Variants in PER2 observed in about 807,000 individuals in gnomAD.
PER2 encodes period circadian protein homolog 2.
A neutral mutation model predicts 121.0 loss-of-function variants in PER2; 66 were observed. That is an observed-to-expected ratio of 0.55 (90% confidence interval 0.45 to 0.67). PER2 has a LOEUF of 0.67. PER2 is among the 30% of genes least tolerant of loss of function. The pLI is 0.00. For synonymous variants in PER2, 684 were observed against 659.9 expected (o/e 1.04, Z -0.56); for missense variants, 1,521 against 1,635.0 (o/e 0.93, Z 1.20).
In PER2 at chr2:238,284,151, A is replaced by G. The variant is rs181551110; in HGVS notation, c.-20+4198T>C. Among the ~76,000 whole-genome samples, 361 of 152,328 alleles carry G rather than the reference A, an allele frequency of 2.4e-3. 1 individual carries two copies. Among genetic ancestry groups the G allele is most frequent in the Non-Finnish European group, 4.1e-3 (278 of 68,034 alleles). Reference sequence around the variant, plus strand: ...CTTATCACTGCTAATCACTACAGAAAAACAGACGGCGGCTGGGCGCGGTGG... The same window carrying G: ...CTTATCACTGCTAATCACTACAGAAGAACAGACGGCGGCTGGGCGCGGTGG... On this transcript the variant is annotated intron_variant, in intron 1 of 22. Coordinates refer to ENST00000254657, the MANE Select transcript of PER2 (RefSeq NM_022817.3).
At chr2:238,254,248 G>C (rs1695694542) in intron 18 of PER2, 1 of 170,804 alleles carries the variant, frequency 5.9e-6, no homozygotes, top group Admixed American at 5.7e-5. Context: ...GCAATAACGA[G>C]TGCTGCTGAG....
chr2:238,253,550 C>T lies in PER2; in HGVS notation c.2473G>A (p.Gly825Ser), dbSNP rs1695674664. 1 of 1,610,990 alleles carries T rather than the reference C, an allele frequency of 6.2e-7. No individual in the cohort carries two copies. The highest frequency in any genetic ancestry group is 1.1e-5 in the South Asian group (1 of 90,802). Residue 825 changes from glycine (G) to serine (S), a missense_variant, in exon 19 of 23, where the codon GGC becomes AGC. By Grantham distance (56) the Gly-to-Ser change is moderately conservative (BLOSUM62 0). Coordinates refer to ENST00000254657, the MANE Select transcript of PER2 (RefSeq NM_022817.3). This position sits in a 1 kb window ranked among gnomAD's most constrained non-coding sequence, Gnocchi z 5.6. ...GPVSARPPLV[G>S]LNATAWSPSD... ...GGTGACCAGGCTGTGGCGTTCAAGC[C>T]CACCAGCGGGGGCCGGGCGGACACG...
At chr2:238,294,488 C>A (rs1403227397), upstream of PER2, among the ~76,000 whole-genome samples, 1 of 152,192 alleles carries the variant, frequency 6.6e-6, no homozygotes, top group Non-Finnish European at 1.5e-5. Flanking sequence ...GCTGTCGGGC[C>A]CCCCGTGGCC....
At chr2:238,294,386 AG>A (rs1294400958), upstream of PER2, among the ~76,000 whole-genome samples, 3 of 152,214 alleles carry the variant, frequency 2.0e-5, no homozygotes, top group East Asian at 5.8e-4. Context: ...GGGACCAACA[AG>A]GCCTGCTGTC....
Position 238,258,637 on chromosome 2 carries a change from T to A in PER2, c.1635A>T (p.Gln545His). ...EQKKKSVTEMQTNPPAEKKAV... is the reference protein window; with the variant it reads ...EQKKKSVTEMHTNPPAEKKAV... Reference sequence around the variant, plus strand: ...CTTTCTTCTCAGCTGGGGGATTAGTTTGCATTTCTGAAGGAATGGCAAAAT... The same window carrying A: ...CTTTCTTCTCAGCTGGGGGATTAGTATGCATTTCTGAAGGAATGGCAAAAT... The change falls in exon 15 of 23, where the codon CAA becomes CAT. Residue 545 changes from glutamine (Q) to histidine (H), a missense_variant. Coordinates refer to ENST00000254657, the MANE Select transcript of PER2 (RefSeq NM_022817.3). The A allele has an allele frequency of 6.2e-7, 1 of 1,614,044 alleles. No homozygotes were observed. The highest frequency in any genetic ancestry group is 1.3e-5 in the African/African-American group (1 of 75,066).
At chr2:238,265,228 G>A (rs1696057459) in intron 9 of PER2, among the ~76,000 whole-genome samples, 2 of 152,200 alleles carry the variant, frequency 1.3e-5, no homozygotes, top group Admixed American at 6.5e-5. Context: ...ACTGGTCCCA[G>A]GCAACAGCGC....
At chr2:238,285,530 T>A (rs929713556) in intron 1 of PER2, among the ~76,000 whole-genome samples, 1 of 152,168 alleles carries the variant, frequency 6.6e-6, no homozygotes, top group African/African-American at 2.4e-5. Context: ...ACTGGTAAAG[T>A]CTTACTGTAC....
At chr2:238,250,829 T>C in intron 20 of PER2, 86 bp from the exon 21 acceptor site, 1 of 943,544 alleles carries the variant, frequency 1.1e-6, no homozygotes, top group South Asian at 1.4e-5. Context: ...GTCAGAATGA[T>C]TTGAGAGAGC....
chr2:238,269,654 A>G (rs113780924), intron 6 of PER2, among the ~76,000 whole-genome samples: 18 of 135,164 alleles, frequency 1.3e-4, no homozygotes, highest in African/African-American at 5.1e-4. Context: ...CAACTAACCT[A>G]CAACTGAACA....
Position 238,255,675 on chromosome 2 carries a change from C to A in PER2, c.2302G>T (p.Gly768Trp). The change falls in exon 18 of 23, where the codon GGG (glycine) becomes TGG (tryptophan). Residue 768 changes from glycine (G) to tryptophan (W), a missense_variant. Gly to Trp is a radical substitution (Grantham distance 184). Transcript: ENST00000254657. ...CACTTACTTCGTTCACTTGGCTGCC[C>A]CTTGGATCTTTCTTGCAAGTAGTAA... ...CHYYLQERSK[G>W]QPSERTAPGL... The A allele has an allele frequency of 6.2e-7, 1 of 1,614,214 alleles. No homozygotes were observed.
rs748633159 is a variant in PER2, at chr2:238,263,106, G to A, written c.1047-48C>T. ...CTAGGATTGGCATCCAAACAGATGA[G>A]GAGATTGTCACTAAGAACCATCTTA... On this transcript the variant is annotated intron_variant, in intron 9 of 22. Transcript: ENST00000254657. 9.0e-6 allele frequency: 10 copies of A among 1,105,636 alleles called. No homozygotes were observed. The East Asian group carries it at 1.9e-4, about 21-fold the overall frequency. The allele number at this position is 1,105,636 out of a possible 1,614,324, so 68.5% of individuals were successfully genotyped here. A position where few individuals can be genotyped will look rare whatever the true frequency, so the allele number is the denominator to read the frequency against.
Position 238,288,330 on chromosome 2 carries a change from C to T in PER2, c.-20+19G>A, listed in dbSNP as rs1010595520. 9 of 152,244 alleles carry T rather than the reference C, an allele frequency of 5.9e-5. No homozygotes were observed. Among genetic ancestry groups the T allele is most frequent in the African/African-American group, 2.2e-4 (9 of 41,448 alleles). The allele number at this position is 152,244 out of a possible 1,614,324, so 9.4% of individuals were successfully genotyped here. Reference sequence around the variant, plus strand: ...GCGCAGTCACTCGGTAGCTCGGTGCCCTACACACGCTGCCTCACCTTTCGG... The same window carrying T: ...GCGCAGTCACTCGGTAGCTCGGTGCTCTACACACGCTGCCTCACCTTTCGG... On this transcript the variant is annotated intron_variant, in intron 1 of 22. Coordinates refer to ENST00000254657, the MANE Select transcript of PER2 (RefSeq NM_022817.3).
intron 9 of PER2, among the ~76,000 whole-genome samples, chr2:238,264,243 A>C (rs533664982): frequency 5.1e-4 from 77 of 152,376 alleles, no homozygotes; most frequent in African/African-American, 1.6e-3. Context: ...AAAAGTCTCC[A>C]GAGGCTGCTT....
chr2:238,267,128 C>T (rs573625325), intron 8 of PER2, among the ~76,000 whole-genome samples: 267 of 151,884 alleles, frequency 1.8e-3, no homozygotes, highest in African/African-American at 6.3e-3. Flanking sequence ...CAGCTGGCTT[C>T]CCCGGGTTCA....
intron 8 of PER2, 112 bp from the exon 9 acceptor site, chr2:238,265,702 A>G: frequency 1.4e-6 from 1 of 723,582 alleles, no homozygotes; most frequent in South Asian, 1.5e-5. Flanking sequence ...GCAGCTAAAG[A>G]AAAAAATTAA....
chr2:238,248,695 G>A (rs1019536090), intron 22 of PER2, among the ~76,000 whole-genome samples: 5 of 144,680 alleles, frequency 3.5e-5, no homozygotes, highest in Non-Finnish European at 7.5e-5. Context: ...TTGCTCTGTC[G>A]CTCAGGCTGG....
Position 238,275,789 on chromosome 2 carries a change from C to G in PER2, c.402G>C (p.Thr134=). ...ADKKAKGKAS[T]LATLKYALRS... ...TGAGGGCGTACTTCAAGGTGGCCAG[C>G]GTACTGGCCTTGCCCTTGGCCTTCT... is the stretch of plus-strand genomic sequence containing the variant. The change falls in exon 4 of 23, where the codon ACG becomes ACC. Residue 134 remains threonine, a synonymous_variant. Transcript: ENST00000254657. 1 of 1,614,052 alleles carries G rather than the reference C, an allele frequency of 6.2e-7. No homozygotes were observed. The highest frequency in any genetic ancestry group is 1.1e-5 in the South Asian group (1 of 91,084).
chr2:238,274,268 GAGCAAAGGGGCC>G (rs1400951908), intron 4 of PER2, among the ~76,000 whole-genome samples: 1 of 152,212 alleles, frequency 6.6e-6, no homozygotes, highest in Non-Finnish European at 1.5e-5. Context: ...CTCCAGGCGG[GAGCAAAGGGGCC>G]AGCTCGAGGC....
At chr2:238,261,094 T>C (rs935823300) in intron 12 of PER2, 141 bp from the exon 13 acceptor site, 1 of 1,027,616 alleles carries the variant, frequency 9.7e-7, no homozygotes, top group Non-Finnish European at 1.4e-6. Flanking sequence ...GAGCTGAGGT[T>C]TGAACCCCAG....
Sources: allele counts gnomAD v4.1 joint callset (sites outside exome capture counted in the v4.1 genomes callset), GRCh38; gene constraint gnomAD v4.1.1; non-coding constraint Gnocchi (gnomAD v3.1); transcripts MANE v1.5; gene names NCBI Gene and HGNC (gene_info 2026-07-23, HGNC 2026-07-21).